Variants in ATXN1 observed in about 807,000 individuals in gnomAD.
ATXN1 encodes ataxin 1.
ATXN1 carries 8 observed loss-of-function variants against 56.4 expected under a neutral mutation model. That is an observed-to-expected ratio of 0.14 (90% CI 0.08 to 0.26). The LOEUF (loss-of-function observed/expected upper bound fraction) is 0.26, where lower values mean the gene tolerates loss of function less well. Ranked by LOEUF, ATXN1 falls within the 10% of genes least tolerant of loss-of-function variation. The pLI is 1.00. For missense variants in ATXN1, 987 were observed against 1,106.5 expected (o/e 0.89, Z 1.53); for synonymous variants, 514 against 494.6 (o/e 1.04, Z -0.52).
At chr6:16,414,778 G>A (rs552922080) in intron 6 of ATXN1, among the ~76,000 whole-genome samples, 1 of 152,220 alleles carries the variant, frequency 6.6e-6, no homozygotes, top group Non-Finnish European at 1.5e-5. Context: ...TGTAGCATCT[G>A]AAAGAGAATA....
intron 6 of ATXN1, among the ~76,000 whole-genome samples, chr6:16,403,233 C>T (rs901460598): frequency 6.6e-6 from 1 of 151,366 alleles, no homozygotes; most frequent in Admixed American, 6.6e-5. Context: ...AATGCATCAT[C>T]ACCTTCACGC....
Position 16,310,522 on chromosome 6 carries a change from G to A in ATXN1, c.1918-3663C>T, listed in dbSNP as rs190716761. 2.3e-3 allele frequency among the ~76,000 whole-genome samples: 344 copies of A among 152,170 alleles called. 2 individuals are homozygous for A. The highest frequency in any genetic ancestry group is 0.014 in the Middle Eastern group (4 of 294). On this transcript the variant is annotated intron_variant, in intron 7 of 7. Coordinates refer to ENST00000436367, the MANE Select transcript of ATXN1 (RefSeq NM_001128164.2). ...TTGTGAGAGGGAGTCTTGCTCTGTC[G>A]CCCAGGCTGGAGTGCAGTGGCGCGA...
chr6:16,307,264 A>G (rs551246724), intron 7 of ATXN1, among the ~76,000 whole-genome samples: 3 of 152,346 alleles, frequency 2.0e-5, no homozygotes, highest in South Asian at 2.1e-4. Flanking sequence ...TATGAGCTCA[A>G]TGGACAACTG....
intron 6 of ATXN1, among the ~76,000 whole-genome samples, chr6:16,404,088 T>C (rs1402413239): frequency 6.6e-6 from 1 of 152,106 alleles, no homozygotes; most frequent in Non-Finnish European, 1.5e-5. Context: ...TTCTTAATAC[T>C]GATTCAGAGC....
At chr6:16,467,332 GC>G (rs1417000856) in intron 6 of ATXN1, among the ~76,000 whole-genome samples, 1 of 152,270 alleles carries the variant, frequency 6.6e-6, no homozygotes, top group African/African-American at 2.4e-5. Flanking sequence ...CAGCGATGTG[GC>G]CGGGAGTTAG....
At chr6:16,474,835 T>TACAC (rs80085771) in intron 6 of ATXN1, among the ~76,000 whole-genome samples, 133 of 147,018 alleles carry the variant, frequency 9.0e-4, no homozygotes, top group African/African-American at 2.1e-3. Flanking sequence ...TGTGTGTGCA[T>TACAC]ACACACACAC....
At chr6:16,642,842 A>G (rs1394643261) in intron 3 of ATXN1, among the ~76,000 whole-genome samples, 1 of 152,234 alleles carries the variant, frequency 6.6e-6, no homozygotes, top group Non-Finnish European at 1.5e-5. Context: ...TGTTTAGACA[A>G]AATGTTATTG....
rs938264965 is a variant in ATXN1, at chr6:16,614,575, A to G, written c.-488-28668T>C. On this transcript the variant is annotated intron_variant, in intron 3 of 7. Coordinates refer to ENST00000436367, the MANE Select transcript of ATXN1 (RefSeq NM_001128164.2). Reference sequence around the variant, plus strand: ...CTATGTATTTGCCACAGTAAAAGATATCTACCACAAACCAGTAGCCAATAT... The same window carrying G: ...CTATGTATTTGCCACAGTAAAAGATGTCTACCACAAACCAGTAGCCAATAT... Among the ~76,000 whole-genome samples, 11 of 151,830 alleles carry G rather than the reference A, an allele frequency of 7.2e-5. 1 individual carries two copies. The highest frequency in any genetic ancestry group is 2.7e-4 in the African/African-American group (11 of 41,288).
At chr6:16,363,229 A>C (rs577053346) in intron 6 of ATXN1, among the ~76,000 whole-genome samples, 1 of 152,358 alleles carries the variant, frequency 6.6e-6, no homozygotes, top group Admixed American at 6.5e-5. Context: ...AAGCTCTCTG[A>C]GAGCAAGAAC....
chr6:16,662,245 G>A lies in ATXN1; in HGVS notation c.-614-4344C>T, dbSNP rs183689249. 6.6e-5 allele frequency among the ~76,000 whole-genome samples: 10 copies of A among 152,290 alleles called. No homozygotes were observed. In the South Asian group the frequency reaches 1.5e-3, roughly 22 times the overall value. On this transcript the variant is annotated intron_variant, in intron 2 of 7. Coordinates refer to ENST00000436367, the MANE Select transcript of ATXN1 (RefSeq NM_001128164.2). ...GAACCATTTTTCCTACTTTAGGTGT[G>A]CATGCCTGAAATTTGACTTTCCACT... is the stretch of plus-strand genomic sequence containing the variant.
intron 6 of ATXN1, among the ~76,000 whole-genome samples, chr6:16,448,281 A>C (rs1393841820): frequency 2.6e-5 from 4 of 152,110 alleles, no homozygotes; most frequent in African/African-American, 9.7e-5. Context: ...AGTTCTCTTC[A>C]TTCAGGTCTC....
chr6:16,681,987 C>T (rs2113401724), intron 2 of ATXN1, among the ~76,000 whole-genome samples: 1 of 152,258 alleles, frequency 6.6e-6, no homozygotes, highest in South Asian at 2.1e-4. Context: ...TCCCCCTGAA[C>T]CAGAAGCGAA....
At chr6:16,534,995 G>T (rs778694461) in intron 4 of ATXN1, among the ~76,000 whole-genome samples, 7 of 152,218 alleles carry the variant, frequency 4.6e-5, no homozygotes, top group Non-Finnish European at 5.9e-5. Context: ...AATAAGCACA[G>T]CACCAAGTCT....
intron 3 of ATXN1, among the ~76,000 whole-genome samples, chr6:16,650,726 A>T (rs1277894024): frequency 1.3e-5 from 2 of 152,212 alleles, no homozygotes; most frequent in African/African-American, 4.8e-5. Flanking sequence ...GGCGAATCAC[A>T]GGCAGCCTAT....
chr6:16,407,051 C>G (rs774451678), intron 6 of ATXN1, among the ~76,000 whole-genome samples: 21 of 152,188 alleles, frequency 1.4e-4, no homozygotes, highest in Non-Finnish European at 2.2e-4. Flanking sequence ...ACAAGCATTT[C>G]TAACACTTAA....
At chr6:16,449,476 C>G (rs914937289) in intron 6 of ATXN1, among the ~76,000 whole-genome samples, 5 of 152,154 alleles carry the variant, frequency 3.3e-5, no homozygotes, top group African/African-American at 1.2e-4. Flanking sequence ...TGAGCCCTCC[C>G]TCAGGCTTAT....
chr6:16,355,745 G>A (rs946417434), intron 6 of ATXN1, among the ~76,000 whole-genome samples: 1 of 152,112 alleles, frequency 6.6e-6, no homozygotes, highest in Admixed American at 6.6e-5. Flanking sequence ...TCTATTTTTA[G>A]TAGAGACGGG....
intron 3 of ATXN1, among the ~76,000 whole-genome samples, chr6:16,634,364 A>C (rs1248105556): frequency 6.6e-6 from 1 of 152,208 alleles, no homozygotes; most frequent in Non-Finnish European, 1.5e-5. Flanking sequence ...CATCTGTAGG[A>C]GGATAATACT....
chr6:16,675,851 T>C (rs570344991), intron 2 of ATXN1, among the ~76,000 whole-genome samples: 28 of 152,168 alleles, frequency 1.8e-4, no homozygotes, highest in African/African-American at 6.5e-4. Context: ...ATTGCACCAC[T>C]GCACTCCAGC....
Sources: allele counts gnomAD v4.1 joint callset (sites outside exome capture counted in the v4.1 genomes callset), GRCh38; gene constraint gnomAD v4.1.1; transcripts MANE v1.5; gene names NCBI Gene and HGNC (gene_info 2026-07-23, HGNC 2026-07-21).